The following LPP variants were observed in gnomAD, a reference collection of about 807,000 sequenced individuals.
LPP encodes LIM domain containing preferred translocation partner in lipoma.
A neutral mutation model predicts 60.4 loss-of-function variants in LPP; 38 were observed. The ratio of observed to expected loss-of-function variants is 0.63; its 90% confidence interval spans 0.49 to 0.83. The LOEUF is 0.83. Ranked by LOEUF, LPP falls within the 40% of genes least tolerant of loss-of-function variation. The pLI is 0.00. For missense variants in LPP, 902 were observed against 783.6 expected (o/e 1.15, Z -1.80); for synonymous variants, 328 against 290.8 (o/e 1.13, Z -1.30).
At chr3:188,732,578 C>T (rs764417458) in intron 8 of LPP, among the ~76,000 whole-genome samples, 20 of 151,988 alleles carry the variant, frequency 1.3e-4, no homozygotes, top group African/African-American at 2.7e-4. Flanking sequence ...ATTAGCTGGG[C>T]GTGGTGGTGG....
chr3:188,250,806 TTC>T lies in LPP; in HGVS notation c.-67+25283_-67+25284del, dbSNP rs373261792. On this transcript the variant is annotated intron_variant, in intron 2 of 11. Transcript: ENST00000617246. Reference sequence around the variant, plus strand: ...TCTTTCTGTCTTTCTCTTTCTTTCTTTCTCTTTCTTTCTTTCTTTTTCTTTCT... The same window carrying T: ...TCTTTCTGTCTTTCTCTTTCTTTCTTTCTTTCTTTCTTTCTTTTTCTTTCT... Among the ~76,000 whole-genome samples, 940 of 138,324 alleles carry T rather than the reference TTC, an allele frequency of 6.8e-3. 25 individuals are homozygous for T. The highest frequency in any genetic ancestry group is 0.024 in the African/African-American group (814 of 34,444). 90.7% of individuals were successfully genotyped at this position (138,324 alleles called of 152,430 possible).
chr3:188,762,767 AT>A (rs35669305), intron 9 of LPP, among the ~76,000 whole-genome samples: 38,767 of 146,522 alleles, frequency 0.26, 5,398 homozygotes, highest in East Asian at 0.64. Context: ...AATTCTAACC[AT>A]TTTTTTTTTT....
At position 188,637,788 on chromosome 3, in the gene LPP, C is replaced by T. The variant is rs188167611; in HGVS notation, c.1113+27944C>T. On this transcript the variant is annotated intron_variant, in intron 7 of 11. Coordinates refer to ENST00000617246, the MANE Select transcript of LPP (RefSeq NM_001375462.1). ...GAAGAAATGGATAAATTCCTTGATA[C>T]GTACATGCTCCCAAGACTAAACCAG... Among the ~76,000 whole-genome samples the T allele has an allele frequency of 9.2e-5, 14 of 152,328 alleles. 1 individual carries two copies. In the East Asian group the frequency reaches 9.6e-4, roughly 10 times the overall value.
intron 5 of LPP, among the ~76,000 whole-genome samples, chr3:188,522,938 C>T (rs574312171): frequency 8.6e-5 from 13 of 151,604 alleles, no homozygotes; most frequent in South Asian, 2.1e-4. Context: ...GACAGAGTCT[C>T]GCTCTGTCAT....
intron 6 of LPP, among the ~76,000 whole-genome samples, chr3:188,604,328 T>C (rs1842007830): frequency 6.6e-6 from 1 of 152,038 alleles, no homozygotes; most frequent in African/African-American, 2.4e-5. Context: ...TAGTACATGT[T>C]GTTAAATACT....
Position 188,881,736 on chromosome 3 carries a change from T to G in LPP, c.*7257T>G. On this transcript the variant is annotated 3_prime_UTR_variant, in exon 12 of 12. Coordinates refer to ENST00000617246, the MANE Select transcript of LPP (RefSeq NM_001375462.1). ...CACTTCTGGGTCAGTTCATATTCCA[T>G]TCAACCTTTTCCTTTTATCCTTGTC... 1 of 225,656 alleles carries G rather than the reference T, an allele frequency of 4.4e-6. No individual in the cohort carries two copies. Among genetic ancestry groups the G allele is most frequent in the Non-Finnish European group, 8.8e-6 (1 of 113,182 alleles). 14.0% of individuals were successfully genotyped at this position (225,656 alleles called of 1,614,324 possible). A position where few individuals can be genotyped will look rare whatever the true frequency, so the allele number is the denominator to read the frequency against.
intron 1 of LPP, among the ~76,000 whole-genome samples, chr3:188,154,612 A>C (rs1175374362): frequency 1.3e-5 from 2 of 152,200 alleles, no homozygotes; most frequent in African/African-American, 2.4e-5. Flanking sequence ...CAGTCCTCCA[A>C]GTCCTCCCAT....
At chr3:188,736,045 T>C (rs1722379098) in intron 8 of LPP, among the ~76,000 whole-genome samples, 1 of 152,164 alleles carries the variant, frequency 6.6e-6, no homozygotes. Context: ...AAAAGTAGTG[T>C]TTTCAAAAAA....
At chr3:188,836,659 C>T (rs985052360) in intron 9 of LPP, among the ~76,000 whole-genome samples, 8 of 152,198 alleles carry the variant, frequency 5.3e-5, no homozygotes, top group African/African-American at 1.7e-4. Context: ...TTTTATAAGA[C>T]GTTTAATTGG....
chr3:188,693,838 A>G (rs1862630297), intron 7 of LPP, among the ~76,000 whole-genome samples: 1 of 152,256 alleles, frequency 6.6e-6, no homozygotes, highest in African/African-American at 2.4e-5. Flanking sequence ...CAGAGCATCA[A>G]GAATGCGTCA....
intron 4 of LPP, among the ~76,000 whole-genome samples, chr3:188,409,890 C>T (rs1784495048): frequency 6.6e-6 from 1 of 152,104 alleles, no homozygotes; most frequent in Non-Finnish European, 1.5e-5. Context: ...TTCAGAGAAG[C>T]ACAGCCTGCT....
Position 188,448,482 on chromosome 3 carries a change from TTATC to T in LPP, c.194-36107_194-36104del, listed in dbSNP as rs917946304. 1.3e-4 allele frequency among the ~76,000 whole-genome samples: 19 copies of T among 150,730 alleles called. 1 individual carries two copies. The highest frequency in any genetic ancestry group is 4.7e-4 in the African/African-American group (19 of 40,368). On this transcript the variant is annotated intron_variant, in intron 4 of 11. Transcript: ENST00000617246. ...GATAAAGATCTATATTTAGATATCT[TTATC>T]TAAATATCTATCTAAATAAATGTTA...
chr3:188,247,828 A>G (rs953527481), intron 2 of LPP, among the ~76,000 whole-genome samples: 13 of 152,008 alleles, frequency 8.6e-5, no homozygotes, highest in Admixed American at 2.0e-4. Context: ...GATGTGATCA[A>G]TATCAATCTA....
At chr3:188,276,398 C>G (rs2149846145) in intron 2 of LPP, among the ~76,000 whole-genome samples, 1 of 152,322 alleles carries the variant, frequency 6.6e-6, no homozygotes, top group Admixed American at 6.5e-5. Flanking sequence ...CAGGTAGGTG[C>G]TCTTGTTGTA....
intron 6 of LPP, among the ~76,000 whole-genome samples, chr3:188,544,086 T>G (rs1174605537): frequency 6.6e-6 from 1 of 152,190 alleles, no homozygotes; most frequent in Non-Finnish European, 1.5e-5. Flanking sequence ...GAATGTGGTT[T>G]AGGAGGTCTT....
chr3:188,608,699 T>C (rs771366069), intron 6 of LPP, among the ~76,000 whole-genome samples: 1 of 152,206 alleles, frequency 6.6e-6, no homozygotes, highest in Non-Finnish European at 1.5e-5. Context: ...TTTCTATGTA[T>C]GTAAAACTTC....
Position 188,501,662 on chromosome 3 carries a change from T to C in LPP, c.306+16958T>C, listed in dbSNP as rs371730165. On this transcript the variant is annotated intron_variant, in intron 5 of 11. Coordinates refer to ENST00000617246, the MANE Select transcript of LPP (RefSeq NM_001375462.1). ...TAATCGGGAGGCTGAGGCAGGAGAA[T>C]GGCCTGAACCCTGGAGGCGGAGGTT... Among the ~76,000 whole-genome samples the C allele has an allele frequency of 1.8e-3, 278 of 151,886 alleles. 3 individuals carry two copies. The highest frequency in any genetic ancestry group is 6.4e-3 in the African/African-American group (265 of 41,378).
chr3:188,469,234 C>T (rs1258982026), intron 4 of LPP, among the ~76,000 whole-genome samples: 1 of 152,034 alleles, frequency 6.6e-6, no homozygotes, highest in East Asian at 1.9e-4. Context: ...GGGACTTAAC[C>T]TTTGCAGATG....
At chr3:188,532,461 G>A (rs1822452664) in intron 6 of LPP, among the ~76,000 whole-genome samples, 1 of 152,138 alleles carries the variant, frequency 6.6e-6, no homozygotes, top group South Asian at 2.1e-4. Flanking sequence ...TAGAAGTGAA[G>A]TGTTCTGTGA....
Sources: allele counts gnomAD v4.1 joint callset (sites outside exome capture counted in the v4.1 genomes callset), GRCh38; gene constraint gnomAD v4.1.1; transcripts MANE v1.5; gene names NCBI Gene and HGNC (gene_info 2026-07-23, HGNC 2026-07-21).